The following FRMD4B variants were observed in gnomAD, a reference collection of about 807,000 sequenced individuals.
The protein encoded by FRMD4B is FERM domain containing 4B, also known as FERM domain-containing protein 4B.
A neutral mutation model predicts 141.5 loss-of-function variants in FRMD4B; 74 were observed. The ratio of observed to expected loss-of-function variants is 0.52; its 90% confidence interval spans 0.43 to 0.63. The LOEUF is 0.63. FRMD4B is among the 30% of genes least tolerant of loss of function. The pLI is 0.00. For synonymous variants in FRMD4B, 506 were observed against 467.9 expected (o/e 1.08, Z -1.05); for missense variants, 1,366 against 1,253.4 (o/e 1.09, Z -1.36).
intron 2 of FRMD4B, among the ~76,000 whole-genome samples, chr3:69,392,539 G>A (rs1190014436): frequency 6.6e-6 from 1 of 152,226 alleles, no homozygotes; most frequent in Non-Finnish European, 1.5e-5. Flanking sequence ...GCCCAGCAGC[G>A]AGGCTGCTGT....
intron 1 of FRMD4B, among the ~76,000 whole-genome samples, chr3:69,531,673 A>T (rs372541205): frequency 1.2e-4 from 18 of 152,304 alleles, no homozygotes; most frequent in South Asian, 4.1e-4. Flanking sequence ...CAAACTGCCA[A>T]TTTTTAAATA....
At chr3:69,191,328 G>A (rs2092834221) in intron 17 of FRMD4B, among the ~76,000 whole-genome samples, 1 of 152,152 alleles carries the variant, frequency 6.6e-6, no homozygotes, top group South Asian at 2.1e-4. Context: ...GCTGAGGCAG[G>A]AGAATTGCTT....
intron 1 of FRMD4B, among the ~76,000 whole-genome samples, chr3:69,527,762 G>T (rs979513315): frequency 6.6e-6 from 1 of 152,086 alleles, no homozygotes; most frequent in Non-Finnish European, 1.5e-5. Flanking sequence ...CTTAGTGTTG[G>T]GTAAACAGAA....
chr3:69,309,932 A>G (rs752411336), intron 3 of FRMD4B, among the ~76,000 whole-genome samples: 15 of 152,112 alleles, frequency 9.9e-5, no homozygotes, highest in Non-Finnish European at 2.2e-4. Context: ...GATTCAGCCT[A>G]TGTGTGTGCG....
At position 69,514,253 on chromosome 3, in the gene FRMD4B, C is replaced by A. The variant is rs562315879; in HGVS notation, c.-129+27953G>T. On this transcript the variant is annotated intron_variant, in intron 1 of 5. Transcript: ENST00000459638. ...AAGAAATCAGCTGCATTTCTATACA[C>A]TTACAATGAACAATTTGAAAAGGAA... 2.0e-5 allele frequency among the ~76,000 whole-genome samples: 3 copies of A among 152,170 alleles called. No individual in the cohort carries two copies. The East Asian group carries it at 5.8e-4, about 29-fold the overall frequency.
At chr3:69,221,759 G>T in intron 9 of FRMD4B, 99 bp downstream of exon 9, 1 of 721,946 alleles carries the variant, frequency 1.4e-6, no homozygotes, top group South Asian at 1.5e-5. Context: ...ACCAGATAAG[G>T]ACTATGTTCA....
chr3:69,362,067 TG>T (rs1275674630), intron 1 of FRMD4B, among the ~76,000 whole-genome samples: 15 of 152,344 alleles, frequency 9.8e-5, no homozygotes, highest in African/African-American at 3.4e-4. Context: ...TAGAAGCATT[TG>T]TGTTTAAGTG....
intron 1 of FRMD4B, among the ~76,000 whole-genome samples, chr3:69,351,364 A>G (rs1441799746): frequency 1.3e-5 from 2 of 152,226 alleles, no homozygotes; most frequent in African/African-American, 2.4e-5. Flanking sequence ...ATCCCGAGAC[A>G]GGCCTCTGCT....
At chr3:69,520,411 A>T (rs184425727) in intron 1 of FRMD4B, among the ~76,000 whole-genome samples, 2,629 of 141,156 alleles carry the variant, frequency 0.019, 211 homozygotes, top group African/African-American at 0.07. Context: ...ATATATATAT[A>T]TTTTTTCTGT....
intron 1 of FRMD4B, chr3:69,336,460 G>T (rs929853149): frequency 1.3e-5 from 2 of 152,250 alleles, no homozygotes; most frequent in Non-Finnish European, 2.9e-5. Flanking sequence ...TTTTAGGCAT[G>T]GAGAAGATAA....
chr3:69,370,206 A>T (rs1233487643), intron 1 of FRMD4B, among the ~76,000 whole-genome samples: 27 of 152,006 alleles, frequency 1.8e-4, no homozygotes, highest in Non-Finnish European at 3.2e-4. Flanking sequence ...AAGACCTGAG[A>T]CAGGGTCAGA....
intron 1 of FRMD4B, among the ~76,000 whole-genome samples, chr3:69,468,734 A>G (rs751192085): frequency 1.9e-4 from 29 of 152,332 alleles, no homozygotes; most frequent in Middle Eastern, 3.4e-3. Context: ...CAAAGATGAC[A>G]GAGGACAGGG....
intron 11 of FRMD4B, among the ~76,000 whole-genome samples, chr3:69,202,423 A>G (rs1412365061): frequency 1.3e-5 from 2 of 151,826 alleles, no homozygotes; most frequent in African/African-American, 4.8e-5. Flanking sequence ...TGTAATTTTC[A>G]TATTAAAACA....
intron 5 of FRMD4B, among the ~76,000 whole-genome samples, chr3:69,266,069 G>A (rs985355947): frequency 2.0e-5 from 3 of 152,008 alleles, no homozygotes; most frequent in African/African-American, 7.2e-5. Context: ...AGATGTGATG[G>A]CATGCACCTG....
intron 2 of FRMD4B, among the ~76,000 whole-genome samples, chr3:69,399,867 C>G (rs1704530848): frequency 6.6e-6 from 1 of 152,148 alleles, no homozygotes; most frequent in South Asian, 2.1e-4. Context: ...GTGCAGGGAC[C>G]ATGCCTGTCT....
At chr3:69,328,565 G>A (rs1449862988) in intron 1 of FRMD4B, among the ~76,000 whole-genome samples, 1 of 152,138 alleles carries the variant, frequency 6.6e-6, no homozygotes, top group Non-Finnish European at 1.5e-5. Context: ...GAGGTCAGCA[G>A]GGCTGGTATC....
intron 1 of FRMD4B, among the ~76,000 whole-genome samples, chr3:69,350,944 A>C (rs1703125470): frequency 6.6e-6 from 1 of 152,136 alleles, no homozygotes; most frequent in African/African-American, 2.4e-5. Context: ...ACAAACCTGC[A>C]CATTGTGCAC....
intron 16 of FRMD4B, 87 bp downstream of exon 16, chr3:69,194,935 C>A: frequency 7.8e-7 from 1 of 1,274,054 alleles, no homozygotes; most frequent in Non-Finnish European, 1.1e-6. Context: ...ACAGCAGAGA[C>A]TCAAAAACCA....
At chr3:69,507,038 T>C (rs1272139647) in intron 1 of FRMD4B, among the ~76,000 whole-genome samples, 1 of 152,150 alleles carries the variant, frequency 6.6e-6, no homozygotes. Flanking sequence ...GTGTGGACCT[T>C]CATAGAGATT....
Sources: allele counts gnomAD v4.1 joint callset (sites outside exome capture counted in the v4.1 genomes callset), GRCh38; gene constraint gnomAD v4.1.1; transcripts MANE v1.5; gene names NCBI Gene and HGNC (gene_info 2026-07-23, HGNC 2026-07-21).